The following PRDM1 variants were observed in gnomAD, a reference collection of about 807,000 sequenced individuals.
PRDM1 encodes PR domain zinc finger protein 1.
A neutral mutation model predicts 62.8 loss-of-function variants in PRDM1; 13 were observed. The observed-to-expected ratio is 0.21, with a 90% CI of 0.13 to 0.33. PRDM1 has a LOEUF of 0.33. PRDM1 is among the 10% of genes least tolerant of loss of function. PRDM1 has a pLI of 1.00. For missense variants in PRDM1, 895 were observed against 1,058.8 expected, an observed-to-expected ratio of 0.85 and a Z score of 2.15; for synonymous variants, 396 against 417.6, an observed-to-expected ratio of 0.95 and a Z score of 0.63.
At chr6:106,000,203 A>C (rs967978443) in intron 1 of PRDM1, among the ~76,000 whole-genome samples, 2 of 152,108 alleles carry the variant, frequency 1.3e-5, no homozygotes, top group African/African-American at 4.8e-5. Flanking sequence ...ATAAACCAAC[A>C]CCTATCTCCA....
At chr6:106,015,193 C>G (rs796629756) in intron 1 of PRDM1, among the ~76,000 whole-genome samples, 1 of 152,174 alleles carries the variant, frequency 6.6e-6, no homozygotes, top group South Asian at 2.1e-4. Context: ...GAAAGAGGAG[C>G]TTTACACATT....
chr6:106,097,370 T>C (rs1394223605), intron 3 of PRDM1, among the ~76,000 whole-genome samples: 1 of 152,240 alleles, frequency 6.6e-6, no homozygotes, highest in Non-Finnish European at 1.5e-5. Context: ...CATTTAAAGA[T>C]TCACTGTAAG....
At chr6:105,999,733 T>C (rs865841508) in intron 1 of PRDM1, among the ~76,000 whole-genome samples, 1 of 152,216 alleles carries the variant, frequency 6.6e-6, no homozygotes, top group South Asian at 2.1e-4. Flanking sequence ...AATTTCTTTA[T>C]GGGTTAAATA....
At chr6:106,085,182 G>A (rs185071689), upstream of PRDM1, among the ~76,000 whole-genome samples, 53 of 152,158 alleles carry the variant, frequency 3.5e-4, no homozygotes, top group African/African-American at 1.3e-3. Context: ...TTGGAACTGG[G>A]TGTGTGTATG....
At chr6:106,047,290 C>G (rs897701926), upstream of PRDM1, among the ~76,000 whole-genome samples, 3 of 152,184 alleles carry the variant, frequency 2.0e-5, no homozygotes, top group African/African-American at 7.2e-5. Context: ...CACAGCCTAG[C>G]AATTAAGTTT....
At chr6:106,078,401 C>T (rs1773636002) in intron 1 of PRDM1, 1 of 152,176 alleles carries the variant, frequency 6.6e-6, no homozygotes, top group African/African-American at 2.4e-5. Context: ...ATCTTTGACA[C>T]CCTGAAAGTG....
chr6:106,088,352 ACCC>A lies in PRDM1; in HGVS notation c.196_198del (p.Pro66del), dbSNP rs767062589. 6 of 1,614,034 alleles carry A rather than the reference ACCC, an allele frequency of 3.7e-6. No homozygotes were observed. In the South Asian group the frequency reaches 6.6e-5, roughly 18 times the overall value. On this transcript the variant is annotated inframe_deletion, in exon 2 of 7. Coordinates refer to ENST00000369096, the MANE Select transcript of PRDM1 (RefSeq NM_001198.4). ...AAGTGTACATACATTGTGAACGACC[ACCC>A]CTGGGATTCTGGTGCTGATGGCGGT...
At chr6:106,090,263 C>A (rs1050701705) in intron 2 of PRDM1, among the ~76,000 whole-genome samples, 2 of 152,140 alleles carry the variant, frequency 1.3e-5, no homozygotes, top group African/African-American at 4.8e-5. Context: ...TTTTTTCCCT[C>A]TGAATGTATA....
intron 1 of PRDM1, among the ~76,000 whole-genome samples, chr6:105,998,316 C>CTG (rs925253899): frequency 2.0e-5 from 3 of 151,962 alleles, no homozygotes; most frequent in African/African-American, 7.3e-5. Context: ...ACTTGGGAGG[C>CTG]TGAAGCAGGA....
At chr6:106,095,409 T>C (rs1470984565) in intron 2 of PRDM1, among the ~76,000 whole-genome samples, 1 of 152,212 alleles carries the variant, frequency 6.6e-6, no homozygotes, top group Non-Finnish European at 1.5e-5. Flanking sequence ...TGGTTGAGTA[T>C]TTGCTTATGA....
chr6:106,053,131 T>C (rs1773205973), intron 1 of PRDM1, among the ~76,000 whole-genome samples: 1 of 152,204 alleles, frequency 6.6e-6, no homozygotes, highest in Admixed American at 6.5e-5. Flanking sequence ...TTTTATTCAG[T>C]TTAGGGAAAC....
In PRDM1 at chr6:106,079,022, G is replaced by A. The variant is rs958061572; in HGVS notation, c.-66-9179G>A. On this transcript the variant is annotated intron_variant, in intron 1 of 6. Transcript: ENST00000651185. ...GTCGCCCAGGCTGGAGTGCAGTGGC[G>A]CGATCTCAGCTTACTGCAACCTCTG... Among the ~76,000 whole-genome samples, 18 of 151,694 alleles carry A rather than the reference G, an allele frequency of 1.2e-4. 1 individual carries two copies. Among genetic ancestry groups the A allele is most frequent in the African/African-American group, 3.9e-4 (16 of 41,390 alleles).
chr6:106,088,162 G>C (rs562941950), intron 1 of PRDM1, 39 bp from the exon 2 acceptor site: 2 of 1,548,480 alleles, frequency 1.3e-6, no homozygotes, highest in Non-Finnish European at 1.7e-6. Flanking sequence ...CAGGAACGGC[G>C]GGACAATGGG....
intron 1 of PRDM1, among the ~76,000 whole-genome samples, chr6:106,052,873 C>G (rs756728061): frequency 6.6e-6 from 1 of 151,810 alleles, no homozygotes; most frequent in African/African-American, 2.4e-5. Context: ...GAGGCTGAGG[C>G]AGGAGAATCA....
At chr6:106,095,244 G>T (rs1281038909) in intron 2 of PRDM1, among the ~76,000 whole-genome samples, 1 of 152,158 alleles carries the variant, frequency 6.6e-6, no homozygotes, top group African/African-American at 2.4e-5. Flanking sequence ...CTAGGAACAG[G>T]CTGAAATGGT....
chr6:106,109,870 T>G lies in PRDM1; in HGVS notation c.*2384T>G. 1 of 231,704 alleles carries G rather than the reference T, an allele frequency of 4.3e-6. No individual in the cohort carries two copies. The highest frequency in any genetic ancestry group is 2.2e-5 in the African/African-American group (1 of 45,360). The allele number at this position is 231,704 out of a possible 1,614,324, so 14.4% of individuals were successfully genotyped here. The stretch of plus-strand genomic sequence containing the variant: ...AAACTATCTTATGTTTACATACTGG[T>G]TTACAATGTTATTTATGTGCAAATT... On this transcript the variant is annotated 3_prime_UTR_variant, in exon 7 of 7. Coordinates refer to ENST00000369096, the MANE Select transcript of PRDM1 (RefSeq NM_001198.4).
chr6:106,005,745 G>GA (rs762186622), intron 1 of PRDM1, among the ~76,000 whole-genome samples: 97 of 152,256 alleles, frequency 6.4e-4, no homozygotes, highest in Non-Finnish European at 1.2e-3. Flanking sequence ...TGAGGAAGAA[G>GA]AAAAATTATA....
Position 106,091,282 on chromosome 6 carries a change from C to G in PRDM1, c.291+2833C>G, listed in dbSNP as rs533068512. Among the ~76,000 whole-genome samples the G allele has an allele frequency of 3.3e-5, 5 of 152,302 alleles. No individual in the cohort carries two copies. In the South Asian group the frequency reaches 8.3e-4, roughly 25 times the overall value. On this transcript the variant is annotated intron_variant, in intron 2 of 6. Transcript: ENST00000369096. Reference sequence around the variant, plus strand: ...ATAAACATCAGACAGATTGTGAGGACTCCTTTGGTGTCCATTCTGATCGAA... The same window carrying G: ...ATAAACATCAGACAGATTGTGAGGAGTCCTTTGGTGTCCATTCTGATCGAA...
intron 1 of PRDM1, among the ~76,000 whole-genome samples, chr6:106,062,215 A>C (rs1020955443): frequency 6.6e-6 from 1 of 152,234 alleles, no homozygotes. Context: ...GAATCTTAAA[A>C]ATACATTTTT....
Sources: gnomAD v4.1 joint callset for allele counts (sites outside exome capture counted in the v4.1 genomes callset) on GRCh38, gnomAD v4.1.1 for gene constraint, MANE v1.5 for transcripts, NCBI Gene and HGNC (gene_info 2026-07-23, HGNC 2026-07-21) for gene names.